The following FRAS1 variants were observed in gnomAD, a reference collection of about 807,000 sequenced individuals.
FRAS1 encodes the protein extracellular matrix organizing protein FRAS1.
Under a neutral mutation model 435.2 loss-of-function variants are expected in FRAS1, and 290 were observed. That is an observed-to-expected ratio of 0.67 (90% confidence interval 0.61 to 0.73). The LOEUF (loss-of-function observed/expected upper bound fraction) is 0.73. FRAS1 is among the 30% of genes least tolerant of loss of function. FRAS1 has a pLI of 0.00. For missense variants in FRAS1, 4,860 were observed against 5,001.5 expected (o/e 0.97, Z 0.85); for synonymous variants, 1,800 against 1,851.0 (o/e 0.97, Z 0.71).
intron 9 of FRAS1, among the ~76,000 whole-genome samples, chr4:78,267,767 T>A (rs28551669): frequency 0.027 from 4,042 of 152,298 alleles, 184 homozygotes; most frequent in African/African-American, 0.091. Flanking sequence ...GCCTGCCCAG[T>A]TCTCCCCGGC....
chr4:78,105,507 G>A (rs189483390), intron 2 of FRAS1, among the ~76,000 whole-genome samples: 4 of 152,284 alleles, frequency 2.6e-5, no homozygotes, highest in Admixed American at 6.5e-5. Flanking sequence ...GGGAGGATAT[G>A]AGGAAAGATA....
chr4:78,427,506 C>T (rs572439397), intron 35 of FRAS1, among the ~76,000 whole-genome samples: 4 of 152,320 alleles, frequency 2.6e-5, no homozygotes, highest in African/African-American at 9.6e-5. Context: ...TAGTTCTTAT[C>T]TTAGATTACA....
chr4:78,336,403 T>C (rs1018888857), intron 19 of FRAS1, among the ~76,000 whole-genome samples: 2 of 152,202 alleles, frequency 1.3e-5, no homozygotes, highest in African/African-American at 4.8e-5. Flanking sequence ...TGGGTAGATC[T>C]AGCTCTTCTC....
rs938755768 is a variant in FRAS1, at chr4:78,478,075, A to T, written c.8098+14A>T. 6 of 1,549,512 alleles carry T rather than the reference A, an allele frequency of 3.9e-6. No individual in the cohort carries two copies. In the Admixed American group the frequency reaches 7.9e-5, roughly 20 times the overall value. On this transcript the variant is annotated intron_variant, in intron 55 of 73. Coordinates refer to ENST00000512123, the MANE Select transcript of FRAS1 (RefSeq NM_025074.7). ...TTGAAAGAAAAGGTCTGTTGGTTCC[A>T]CAGGTGACAAAGAGCTATAATAATT...
chr4:78,131,384 T>C (rs988384825), intron 2 of FRAS1, among the ~76,000 whole-genome samples: 5 of 152,168 alleles, frequency 3.3e-5, no homozygotes, highest in African/African-American at 1.2e-4. Context: ...CCATCTAAAC[T>C]CTTTATTCTT....
intron 2 of FRAS1, among the ~76,000 whole-genome samples, chr4:78,140,628 C>T (rs541809378): frequency 1.5e-4 from 22 of 149,978 alleles, no homozygotes; most frequent in African/African-American, 4.5e-4. Flanking sequence ...TATGTGTATA[C>T]GCATATACAT....
chr4:78,284,538 T>A lies in FRAS1; in HGVS notation c.1389T>A (p.Ser463Arg). The change falls in exon 13 of 74, where the codon AGT becomes AGA. Residue 463 changes from serine (S) to arginine (R), a missense_variant. By Grantham distance (110) the Ser-to-Arg change is moderately radical. Transcript: ENST00000512123. ...SCGLGFYQAG[S>R]LCLACQPQCS... ...GACTGGGTTTTTACCAAGCTGGCAG[T>A]CTCTGTTTAGGTATGGCTCCAAGTG... is the stretch of plus-strand genomic sequence containing the variant. The A allele has an allele frequency of 6.2e-7, 1 of 1,611,202 alleles. No homozygotes were observed. Among genetic ancestry groups the A allele is most frequent in the Non-Finnish European group, 8.5e-7 (1 of 1,178,698 alleles).
At chr4:78,403,908 G>T (rs1733002165) in intron 30 of FRAS1, among the ~76,000 whole-genome samples, 1 of 152,128 alleles carries the variant, frequency 6.6e-6, no homozygotes, top group Non-Finnish European at 1.5e-5. Context: ...AATATCTCAT[G>T]TAACTTATTA....
intron 54 of FRAS1, among the ~76,000 whole-genome samples, chr4:78,477,392 A>G (rs946134874): frequency 2.0e-5 from 3 of 152,226 alleles, no homozygotes; most frequent in African/African-American, 7.2e-5. Context: ...GTAAAGCTTC[A>G]TAACCTAATA....
chr4:78,529,191 A>G (rs1721636516), intron 70 of FRAS1, among the ~76,000 whole-genome samples: 1 of 152,154 alleles, frequency 6.6e-6, no homozygotes, highest in Non-Finnish European at 1.5e-5. Context: ...CATGGCAGGA[A>G]CAATGCCAGG....
chr4:78,537,306 T>A, intron 72 of FRAS1, 106 bp downstream of exon 72: 1 of 1,048,230 alleles, frequency 9.5e-7, no homozygotes, highest in Non-Finnish European at 1.4e-6. Context: ...GATATTTTCT[T>A]CTCTATATAT....
At chr4:78,078,033 G>A (rs1393828593) in intron 2 of FRAS1, among the ~76,000 whole-genome samples, 1 of 152,006 alleles carries the variant, frequency 6.6e-6, no homozygotes, top group Non-Finnish European at 1.5e-5. Context: ...TTTCCTATGT[G>A]TGTATTTAAC....
rs777659921 is a variant in FRAS1, at chr4:78,477,907, G to A, written c.7944G>A (p.Glu2648=). 2.5e-6 allele frequency: 4 copies of A among 1,613,484 alleles called. No individual in the cohort carries two copies. Among genetic ancestry groups the A allele is most frequent in the Admixed American group, 1.7e-5 (1 of 59,978 alleles). ...AAAATGTTGAGAGTTTCACTGTGGA[G>A]CTCAGCATGCCAGCTTATGCCCTGT... is the stretch of plus-strand genomic sequence containing the variant. The part of the protein sequence containing the change: ...VFENVESFTV[E]LSMPAYALLG... The change falls in exon 55 of 74, where the codon GAG becomes GAA. Residue 2648 remains glutamate, a synonymous_variant. Coordinates refer to ENST00000512123, the MANE Select transcript of FRAS1 (RefSeq NM_025074.7).
chr4:78,203,556 A>G (rs1723132318), intron 2 of FRAS1, among the ~76,000 whole-genome samples: 1 of 151,428 alleles, frequency 6.6e-6, no homozygotes, highest in Admixed American at 6.6e-5. Flanking sequence ...TCTCTATTTT[A>G]TTTTATTTTT....
At chr4:78,289,688 T>C (rs1471994532) in intron 14 of FRAS1, among the ~76,000 whole-genome samples, 1 of 152,164 alleles carries the variant, frequency 6.6e-6, no homozygotes, top group African/African-American at 2.4e-5. Context: ...GACTCTGCAG[T>C]CCTAGCATTG....
At chr4:78,455,963 C>CAGGTGGCTCAGGGGTGTG (rs1284326776) in intron 47 of FRAS1, among the ~76,000 whole-genome samples, 6 of 152,132 alleles carry the variant, frequency 3.9e-5, no homozygotes, top group African/African-American at 1.4e-4. Flanking sequence ...AATCCAAAGG[C>CAGGTGGCTCAGGGGTGTG]AGGTGGCTCA....
rs1488394796 is a variant in FRAS1, at chr4:78,146,074, A to G, written c.108+80058A>G. Among the ~76,000 whole-genome samples the G allele has an allele frequency of 3.9e-5, 6 of 152,292 alleles. No homozygotes were observed. The East Asian group carries it at 9.6e-4, about 24-fold the overall frequency. On this transcript the variant is annotated intron_variant, in intron 2 of 73. Coordinates refer to ENST00000512123, the MANE Select transcript of FRAS1 (RefSeq NM_025074.7). ...GGTATTTCTTTATGGCAGCATGAGA[A>G]TGGACTACTACAAGTACCCAGAACC... is the stretch of plus-strand genomic sequence containing the variant.
chr4:78,155,183 G>T (rs1227222594), intron 2 of FRAS1, among the ~76,000 whole-genome samples: 1 of 152,174 alleles, frequency 6.6e-6, no homozygotes, highest in East Asian at 1.9e-4. Flanking sequence ...CTGACTTCCA[G>T]TGGGTTTTCG....
chr4:78,436,678 T>C (rs1425545167), intron 38 of FRAS1, among the ~76,000 whole-genome samples: 1 of 152,132 alleles, frequency 6.6e-6, no homozygotes, highest in African/African-American at 2.4e-5. Flanking sequence ...CTTAGCAGTC[T>C]AATGTTGAGT....
Sources: allele counts gnomAD v4.1 joint callset (sites outside exome capture counted in the v4.1 genomes callset), GRCh38; gene constraint gnomAD v4.1.1; transcripts MANE v1.5; gene names NCBI Gene and HGNC (gene_info 2026-07-23, HGNC 2026-07-21).